TBC1D1: variants seen among roughly 807,000 people sequenced by gnomAD.
TBC1D1 encodes the protein TBC1 domain family member 1.
Under a neutral mutation model 125.6 loss-of-function variants are expected in TBC1D1, and 89 were observed. The observed-to-expected ratio is 0.71, with a 90% CI of 0.60 to 0.85. The LOEUF is 0.85. Among genes scored for constraint, TBC1D1 ranks in the 40% least tolerant of loss-of-function variants. The pLI is 0.00. For synonymous variants in TBC1D1, 565 were observed against 564.1 expected (o/e 1.00, Z -0.02); for missense variants, 1,377 against 1,469.2 (o/e 0.94, Z 1.03).
chr4:38,111,142 G>A (rs1200950040), intron 15 of TBC1D1, among the ~76,000 whole-genome samples: 35 of 152,214 alleles, frequency 2.3e-4, no homozygotes, highest in Admixed American at 2.3e-3. Context: ...AATGGGAGCT[G>A]GAGGGCTACA....
chr4:38,036,504 G>A (rs967287110), intron 8 of TBC1D1, among the ~76,000 whole-genome samples: 7 of 152,208 alleles, frequency 4.6e-5, no homozygotes, highest in South Asian at 2.1e-4. Flanking sequence ...TTTCCCAAAA[G>A]TATGTTCCCT....
At chr4:38,020,852 A>C in intron 5 of TBC1D1, 157 bp downstream of exon 5, 1 of 519,492 alleles carries the variant, frequency 1.9e-6, no homozygotes, top group Non-Finnish European at 3.5e-6. Context: ...CAGCTAATAC[A>C]CATCTGAAGC....
At chr4:38,054,443 T>C in intron 12 of TBC1D1, 105 bp downstream of exon 14, 3 of 1,455,194 alleles carry the variant, frequency 2.1e-6, no homozygotes, top group Non-Finnish European at 2.8e-6. Context: ...CTCTTCAGTA[T>C]TGGCAGGTCT....
intron 12 of TBC1D1, among the ~76,000 whole-genome samples, chr4:38,078,394 T>G (rs1177116943): frequency 6.6e-6 from 1 of 152,224 alleles, no homozygotes; most frequent in African/African-American, 2.4e-5. Context: ...CAAACCTGCT[T>G]TGTTTTAGGG....
intron 1 of TBC1D1, among the ~76,000 whole-genome samples, chr4:37,896,335 G>A (rs1019777442): frequency 4.6e-5 from 7 of 152,114 alleles, no homozygotes; most frequent in Non-Finnish European, 8.8e-5. Context: ...GGAGTGGAGG[G>A]GGCTGGGAAC....
chr4:38,062,979 C>T (rs1560718712), intron 12 of TBC1D1, among the ~76,000 whole-genome samples: 1 of 152,108 alleles, frequency 6.6e-6, no homozygotes, highest in Non-Finnish European at 1.5e-5. Context: ...TGACCCATGA[C>T]GATGCTACAG....
chr4:38,038,222 T>A (rs1370234368), intron 8 of TBC1D1, among the ~76,000 whole-genome samples: 1 of 152,198 alleles, frequency 6.6e-6, no homozygotes, highest in Admixed American at 6.5e-5. Context: ...TTAACAAAAT[T>A]TAATGCTATA....
chr4:37,988,129 A>C (rs1447845395), intron 2 of TBC1D1, among the ~76,000 whole-genome samples: 1 of 152,222 alleles, frequency 6.6e-6, no homozygotes, highest in Non-Finnish European at 1.5e-5. Flanking sequence ...TAAACCGTCA[A>C]GCACTCTTTT....
At chr4:38,021,867 G>A in intron 6 of TBC1D1, 149 bp downstream of exon 6, 2 of 914,830 alleles carry the variant, frequency 2.2e-6, no homozygotes, top group East Asian at 3.3e-5. Flanking sequence ...TGTGCAGTGG[G>A]TGTCTTCTGT....
intron 2 of TBC1D1, chr4:37,960,846 C>T: frequency 6.2e-7 from 1 of 1,614,184 alleles, no homozygotes; most frequent in Non-Finnish European, 8.5e-7. Flanking sequence ...CCAGATTGCA[C>T]ACCTCCCCTT....
At chr4:37,929,221 A>G (rs1401717289) in intron 2 of TBC1D1, among the ~76,000 whole-genome samples, 8 of 152,212 alleles carry the variant, frequency 5.3e-5, no homozygotes, top group Non-Finnish European at 1.2e-4. Flanking sequence ...CTATTCATCT[A>G]CCAGTCCAGC....
chr4:37,902,650 T>C (rs1716334066), intron 2 of TBC1D1, 138 bp downstream of exon 2: 5 of 735,204 alleles, frequency 6.8e-6, no homozygotes, highest in African/African-American at 1.8e-5. Context: ...CTTAGCTGAA[T>C]TTTTGTTTTA....
At chr4:37,937,367 A>T (rs950126717) in intron 2 of TBC1D1, among the ~76,000 whole-genome samples, 3 of 152,124 alleles carry the variant, frequency 2.0e-5, no homozygotes, top group Non-Finnish European at 2.9e-5. Flanking sequence ...CCTAAAAAGC[A>T]CTCTTAAGTG....
intron 8 of TBC1D1, among the ~76,000 whole-genome samples, chr4:38,043,351 A>C (rs988087454): frequency 6.6e-6 from 1 of 151,852 alleles, no homozygotes; most frequent in Non-Finnish European, 1.5e-5. Flanking sequence ...TAATCCCAGC[A>C]CTTTGGGAGG....
chr4:38,054,179 C>T lies in TBC1D1; in HGVS notation c.1911-20C>T. On this transcript the variant is annotated intron_variant, in intron 11 of 19. Coordinates refer to ENST00000261439, the MANE Select transcript of TBC1D1 (RefSeq NM_015173.4). Reference sequence around the variant, plus strand: ...GAATTCCTCCCCACTAGTCATAAATCAATCATCTTATAATTTTAGGGACTT... The same window carrying T: ...GAATTCCTCCCCACTAGTCATAAATTAATCATCTTATAATTTTAGGGACTT... The T allele has an allele frequency of 6.2e-7, 1 of 1,611,624 alleles. No individual in the cohort carries two copies. The highest frequency in any genetic ancestry group is 8.5e-7 in the Non-Finnish European group (1 of 1,177,990).
chr4:37,945,335 A>G (rs1362246415), intron 2 of TBC1D1, among the ~76,000 whole-genome samples: 1 of 151,668 alleles, frequency 6.6e-6, no homozygotes, highest in Non-Finnish European at 1.5e-5. Flanking sequence ...CCAACATGGC[A>G]AACTCCATCT....
chr4:38,051,869 C>T, intron 11 of TBC1D1, 30 bp from the exon 12 acceptor site: 1 of 1,537,260 alleles, frequency 6.5e-7, no homozygotes, highest in Non-Finnish European at 8.8e-7. Flanking sequence ...TCCTGCTAAC[C>T]CCCCCGTGCT....
chr4:37,947,974 C>T (rs753176317), intron 2 of TBC1D1, among the ~76,000 whole-genome samples: 1 of 151,706 alleles, frequency 6.6e-6, no homozygotes, highest in Non-Finnish European at 1.5e-5. Flanking sequence ...TGTCAGTTAA[C>T]GATAATAATA....
At chr4:38,028,983 C>T (rs1481945268) in intron 7 of TBC1D1, among the ~76,000 whole-genome samples, 1 of 152,032 alleles carries the variant, frequency 6.6e-6, no homozygotes, top group Admixed American at 6.6e-5. Context: ...CAGCTTTCTG[C>T]AATAAACTTG....
Sources: allele counts gnomAD v4.1 joint callset (sites outside exome capture counted in the v4.1 genomes callset), GRCh38; gene constraint gnomAD v4.1.1; transcripts MANE v1.5; gene names NCBI Gene and HGNC (gene_info 2026-07-23, HGNC 2026-07-21).